KLC1: variants seen among roughly 807,000 people sequenced by gnomAD.
KLC1 encodes the protein kinesin light chain 1, also known as kinesin 2 60/70kDa.
A neutral mutation model predicts 84.2 loss-of-function variants in KLC1; 30 were observed. That is an observed-to-expected ratio of 0.36 (90% CI 0.27 to 0.48). The LOEUF (loss-of-function observed/expected upper bound fraction) is 0.48, where lower values mean the gene tolerates loss of function less well. Among genes scored for constraint, KLC1 ranks in the 20% least tolerant of loss-of-function variants. The probability of loss-of-function intolerance (pLI) is 0.99; values close to 1 mark genes in which losing one functional copy is unlikely to be tolerated. For missense variants in KLC1, 499 were observed against 805.4 expected, an observed-to-expected ratio of 0.62 and a Z score of 4.60; for synonymous variants, 289 against 293.3, an observed-to-expected ratio of 0.99 and a Z score of 0.15.
intron 5 of KLC1, among the ~76,000 whole-genome samples, chr14:103,663,502 GT>G (rs1180163770): frequency 1.3e-5 from 2 of 152,186 alleles, no homozygotes. Flanking sequence ...AAACGAAGCT[GT>G]TTTGACCTTT....
intron 7 of KLC1, among the ~76,000 whole-genome samples, chr14:103,672,402 G>A (rs564685074): frequency 6.6e-6 from 1 of 152,332 alleles, no homozygotes; most frequent in Non-Finnish European, 1.5e-5. Context: ...GTGAAGAAGA[G>A]AGACAAAGAA....
chr14:103,659,765 G>C (rs2079130140), intron 3 of KLC1, among the ~76,000 whole-genome samples: 1 of 152,042 alleles, frequency 6.6e-6, no homozygotes, highest in South Asian at 2.1e-4. Context: ...GTCTTCATCT[G>C]CTTGGGCTAC....
intron 5 of KLC1, among the ~76,000 whole-genome samples, chr14:103,665,771 C>T (rs576200767): frequency 3.3e-5 from 5 of 152,238 alleles, no homozygotes; most frequent in South Asian, 2.1e-4. Context: ...ATTCCTAAGA[C>T]GGGTTAGAGT....
chr14:103,637,111 G>A (rs1442730614), intron 1 of KLC1, among the ~76,000 whole-genome samples: 1 of 151,406 alleles, frequency 6.6e-6, no homozygotes. Flanking sequence ...TATACAAGCC[G>A]TTTGCCAGAT....
intron 14 of KLC1, among the ~76,000 whole-genome samples, chr14:103,689,538 C>G (rs1295598778): frequency 6.6e-6 from 1 of 152,188 alleles, no homozygotes; most frequent in Non-Finnish European, 1.5e-5. Context: ...ATTAACTAGA[C>G]AGTAGTCTCA....
chr14:103,673,301 T>C (rs528961617), intron 8 of KLC1, 31 bp from the exon 9 acceptor site: 3 of 1,541,520 alleles, frequency 1.9e-6, no homozygotes, highest in East Asian at 4.8e-5. Flanking sequence ...ATCTGAAAGA[T>C]ATGAAATATT....
intron 14 of KLC1, among the ~76,000 whole-genome samples, chr14:103,690,002 A>C (rs189045551): frequency 2.3e-3 from 346 of 152,264 alleles, no homozygotes; most frequent in Middle Eastern, 0.01. Context: ...CATCATGGCG[A>C]AACCCCGTCT....
At chr14:103,689,816 G>A (rs752919297) in intron 14 of KLC1, among the ~76,000 whole-genome samples, 2 of 152,242 alleles carry the variant, frequency 1.3e-5, no homozygotes, top group African/African-American at 2.4e-5. Context: ...AGGAAGAGAC[G>A]TTGAGGATTC....
At chr14:103,675,517 G>A in intron 9 of KLC1, 35 bp from the exon 10 acceptor site, 1 of 1,588,698 alleles carries the variant, frequency 6.3e-7, no homozygotes, top group Non-Finnish European at 8.6e-7. Flanking sequence ...TTGGATTAAG[G>A]ATGCTCAACC....
intron 5 of KLC1, 41 bp from the exon 6 acceptor site, chr14:103,669,470 G>T: frequency 9.9e-7 from 1 of 1,011,114 alleles, no homozygotes. Context: ...AAGCTGTAGT[G>T]ATCTACATCT....
rs1386050098 is a variant in KLC1 at position 103,698,780 on chromosome 14, T to C, written c.1849-1875T>C. The C allele has an allele frequency of 3.8e-6, 6 of 1,576,618 alleles. No individual in the cohort carries two copies. In the South Asian group the frequency reaches 5.8e-5, roughly 15 times the overall value. ...GTCGGGGCTTCTCAGGCAGGGCTGT[T>C]GTGCAGCCGCCACCGTGTCAGTGGG... On this transcript the variant is annotated intron_variant, in intron 15 of 16. Transcript: ENST00000334553.
At chr14:103,699,361 C>T (rs1387468805) in intron 15 of KLC1, 7 of 1,601,292 alleles carry the variant, frequency 4.4e-6, no homozygotes, top group Non-Finnish European at 5.1e-6. Flanking sequence ...CCTTGGTGCT[C>T]ACCTGGTTGA....
intron 13 of KLC1, chr14:103,685,339 C>G (rs2081698892): frequency 7.9e-7 from 1 of 1,260,676 alleles, no homozygotes. Context: ...CCTTTTACAC[C>G]AAGTGTCAAG....
chr14:103,648,707 G>A (rs1451330591), intron 1 of KLC1, among the ~76,000 whole-genome samples: 1 of 152,194 alleles, frequency 6.6e-6, no homozygotes, highest in Non-Finnish European at 1.5e-5. Flanking sequence ...AGACTGAGGT[G>A]GGAGGATCAC....
chr14:103,686,148 T>C (rs2081767086), intron 13 of KLC1: 1 of 989,840 alleles, frequency 1.0e-6, no homozygotes, highest in Non-Finnish European at 1.2e-6. Context: ...GCATTCTGCT[T>C]TTCTCTACTA....
chr14:103,685,324 T>G (rs1292518856), intron 13 of KLC1: 2 of 1,284,898 alleles, frequency 1.6e-6, no homozygotes, highest in Non-Finnish European at 2.0e-6. Flanking sequence ...CAGTTACTTG[T>G]AAAGCCTTTT....
At position 103,657,579 on chromosome 14, in the gene KLC1, G is replaced by T; in HGVS notation, c.295G>T (p.Val99Leu). ...GGCTTTGTCAAATCACCTGAATGCT[G>T]TGGAGTCCGAGAAGCAGAAACTGCG... ...MMALSNHLNA[V>L]ESEKQKLRAQ... The change falls in exon 3 of 17, where the codon GTG (valine) becomes TTG (leucine). Residue 99 changes from valine (V) to leucine (L), a missense_variant. Val to Leu is a conservative substitution (Grantham distance 32, BLOSUM62 1). This residue lies in a region of KLC1 where 179 missense variants were observed against 264.2 expected (regional missense o/e 0.68). Transcript: ENST00000334553. The T allele has an allele frequency of 6.2e-7, 1 of 1,614,198 alleles. No individual in the cohort carries two copies. Among genetic ancestry groups the T allele is most frequent in the Non-Finnish European group, 8.5e-7 (1 of 1,180,036 alleles).
chr14:103,651,852 G>T (rs1160281513), intron 1 of KLC1, among the ~76,000 whole-genome samples: 1 of 152,156 alleles, frequency 6.6e-6, no homozygotes, highest in African/African-American at 2.4e-5. Flanking sequence ...CTTCCCTTGG[G>T]AGTGGTTTCT....
At chr14:103,679,569 C>T (rs955617036) in intron 13 of KLC1, 24 bp downstream of exon 13, 8 of 1,584,204 alleles carry the variant, frequency 5.0e-6, no homozygotes, top group Non-Finnish European at 6.9e-6. Context: ...ACAGCGGGCA[C>T]GTGCTCCGGG....
Sources: gnomAD v4.1 joint callset for allele counts (sites outside exome capture counted in the v4.1 genomes callset) on GRCh38, gnomAD v4.1.1 for gene constraint, gnomAD v4.1.1 regional missense constraint, MANE v1.5 for transcripts, NCBI Gene and HGNC (gene_info 2026-07-23, HGNC 2026-07-21) for gene names.